DOCK10: variants seen among roughly 807,000 people sequenced by gnomAD.
DOCK10 encodes the protein dedicator of cytokinesis 10.
In DOCK10, 145 loss-of-function variants were observed where a neutral mutation model predicts 280.1. The ratio of observed to expected loss-of-function variants is 0.52; its 90% confidence interval spans 0.45 to 0.59. The LOEUF (loss-of-function observed/expected upper bound fraction) is 0.59, where lower values mean the gene tolerates loss of function less well. Ranked by LOEUF, DOCK10 falls within the 20% of genes least tolerant of loss-of-function variation. The pLI, the probability that DOCK10 is intolerant of heterozygous loss-of-function variation, is 0.00. For synonymous variants in DOCK10, 915 were observed against 942.2 expected, an observed-to-expected ratio of 0.97 and a Z score of 0.53; for missense variants, 2,368 against 2,651.7, an observed-to-expected ratio of 0.89 and a Z score of 2.35.
intron 1 of DOCK10, among the ~76,000 whole-genome samples, chr2:225,004,250 T>C (rs1285993716): frequency 6.6e-6 from 1 of 152,208 alleles, no homozygotes; most frequent in Non-Finnish European, 1.5e-5. Flanking sequence ...AGTGTTCTTA[T>C]GAGATAGCAG....
intron 45 of DOCK10, among the ~76,000 whole-genome samples, chr2:224,794,663 C>T (rs933505464): frequency 2.6e-4 from 39 of 152,166 alleles, no homozygotes; most frequent in African/African-American, 8.4e-4. Context: ...TGCAGTTGCC[C>T]CCACTGACTC....
intron 1 of DOCK10, among the ~76,000 whole-genome samples, chr2:224,936,337 C>T (rs1702692441): frequency 6.6e-6 from 1 of 151,898 alleles, no homozygotes; most frequent in South Asian, 2.1e-4. Flanking sequence ...AGCACTGGTA[C>T]AAAAGGAAAG....
intron 1 of DOCK10, among the ~76,000 whole-genome samples, chr2:224,934,645 G>C (rs1702584746): frequency 6.6e-6 from 1 of 152,196 alleles, no homozygotes; most frequent in South Asian, 2.1e-4. Flanking sequence ...AGGATGGTGG[G>C]ATCAGTTAAT....
At chr2:225,004,515 G>A (rs973321010) in intron 1 of DOCK10, among the ~76,000 whole-genome samples, 2 of 152,166 alleles carry the variant, frequency 1.3e-5, no homozygotes, top group African/African-American at 4.8e-5. Flanking sequence ...TGTTATGGTG[G>A]CCCTAGGAAA....
intron 1 of DOCK10, among the ~76,000 whole-genome samples, chr2:224,941,412 G>A (rs561196080): frequency 6.6e-6 from 1 of 152,298 alleles, no homozygotes; most frequent in African/African-American, 2.4e-5. Context: ...TTCTGGAATA[G>A]AGCTGTGATT....
At chr2:224,998,908 C>T (rs887114573) in intron 1 of DOCK10, among the ~76,000 whole-genome samples, 8 of 152,028 alleles carry the variant, frequency 5.3e-5, no homozygotes, top group African/African-American at 1.9e-4. Context: ...CATTTATAGC[C>T]GGGTGTGGTG....
intron 1 of DOCK10, among the ~76,000 whole-genome samples, chr2:225,039,647 T>G (rs1690361939): frequency 2.6e-5 from 4 of 152,028 alleles, no homozygotes; most frequent in African/African-American, 9.7e-5. Flanking sequence ...CCTTGATCTC[T>G]CCTCTCCATA....
chr2:224,868,511 C>T (rs976014069), intron 11 of DOCK10, among the ~76,000 whole-genome samples: 13 of 152,238 alleles, frequency 8.5e-5, no homozygotes, highest in African/African-American at 3.1e-4. Flanking sequence ...TATAGTGAAA[C>T]ACCCTATTGT....
chr2:224,836,727 G>C (rs370355469), intron 25 of DOCK10, among the ~76,000 whole-genome samples: 3 of 151,930 alleles, frequency 2.0e-5, no homozygotes, highest in East Asian at 3.9e-4. Flanking sequence ...AGCCTCCCAA[G>C]TAGCTGGGAC....
chr2:224,827,351 G>A lies in DOCK10; in HGVS notation c.3036+3190C>T, dbSNP rs145922210. Among the ~76,000 whole-genome samples the A allele has an allele frequency of 4.5e-3, 682 of 152,186 alleles. 3 individuals are homozygous for A. Among genetic ancestry groups the A allele is most frequent in the African/African-American group, 0.015 (633 of 41,526 alleles). On this transcript the variant is annotated intron_variant, in intron 27 of 55. Transcript: ENST00000258390. ...GAGATGGTTAGAGTGGAAGGTGCAGGGCTCCTGAAAGAAAACTAGGGTGTG... is the reference window on the plus strand; with the variant it reads ...GAGATGGTTAGAGTGGAAGGTGCAGAGCTCCTGAAAGAAAACTAGGGTGTG...
In DOCK10 at chr2:225,042,366, A is replaced by G; in HGVS notation, c.9T>C (p.Gly3=). ...TCCGGGTGAACCTGCGGGTCCGCTC[A>G]CCGGCCATCGCCGGTCACGCCAATC... is the stretch of plus-strand genomic sequence containing the variant. MA[G]ERTRRFTRSL... The change falls in exon 1 of 56, where the codon GGT becomes GGC. Residue 3 remains glycine, a synonymous_variant. Transcript: ENST00000258390. This position sits in a 1 kb window ranked among gnomAD's most constrained non-coding sequence, Gnocchi z 5.1. 2 of 1,234,834 alleles carry G rather than the reference A, an allele frequency of 1.6e-6. No individual in the cohort carries two copies. Among genetic ancestry groups the G allele is most frequent in the South Asian group, 2.8e-5 (1 of 36,320 alleles). 76.5% of individuals were successfully genotyped at this position (1,234,834 alleles called of 1,614,324 possible).
intron 1 of DOCK10, among the ~76,000 whole-genome samples, chr2:225,029,018 T>C (rs1016019522): frequency 1.6e-4 from 24 of 152,180 alleles, no homozygotes; most frequent in African/African-American, 5.8e-4. Context: ...TAGATTTCCA[T>C]CTTATGATAT....
chr2:224,796,335 T>A lies in DOCK10; in HGVS notation c.4919A>T (p.Asn1640Ile). 1 of 1,563,880 alleles carries A rather than the reference T, an allele frequency of 6.4e-7. No homozygotes were observed. The highest frequency in any genetic ancestry group is 8.7e-7 in the Non-Finnish European group (1 of 1,152,616). ...TCTTACTTTCATTTGCTTATCTCCA[T>A]TGGCGAAATTATTGGTAATTGCAAG... ...HSLAITNNFA[N>I]GDKQMKNSNF... is the part of the protein sequence containing the mutation. Residue 1640 changes from asparagine to isoleucine, a missense_variant, in exon 44 of 56, where the codon AAT (asparagine) becomes ATT (isoleucine). Asn to Ile is a moderately radical substitution (Grantham distance 149). Transcript: ENST00000258390.
At chr2:224,916,496 G>A (rs1016961516) in intron 3 of DOCK10, among the ~76,000 whole-genome samples, 199 bp downstream of exon 3, 1 of 148,000 alleles carries the variant, frequency 6.8e-6, no homozygotes, top group Non-Finnish European at 1.5e-5. Flanking sequence ...AGCAGAGGTG[G>A]TGCCACCACA....
At chr2:224,999,037 G>A (rs1286275364) in intron 1 of DOCK10, among the ~76,000 whole-genome samples, 1 of 151,970 alleles carries the variant, frequency 6.6e-6, no homozygotes, top group Non-Finnish European at 1.5e-5. Flanking sequence ...AAATACAAAA[G>A]TTAGCTGGGT....
intron 1 of DOCK10, among the ~76,000 whole-genome samples, chr2:225,026,252 T>C (rs904527474): frequency 3.3e-5 from 5 of 152,174 alleles, no homozygotes; most frequent in Non-Finnish European, 2.9e-5. Flanking sequence ...AAGTGAGATG[T>C]AATCCTCTGA....
intron 1 of DOCK10, among the ~76,000 whole-genome samples, 157 bp from the exon 2 acceptor site, chr2:224,931,825 C>CA (rs1456402949): frequency 1.3e-5 from 2 of 152,172 alleles, no homozygotes; most frequent in African/African-American, 2.4e-5. Context: ...GGCAAAGCCA[C>CA]ACACCTATTA....
chr2:224,823,677 A>C (rs763843256), intron 27 of DOCK10, 30 bp from the exon 28 acceptor site: 5 of 1,541,808 alleles, frequency 3.2e-6, no homozygotes, highest in Non-Finnish European at 3.5e-6. Flanking sequence ...TATCTTTCTA[A>C]TGTGGCATGT....
rs928878330 is a variant in DOCK10, at chr2:224,804,841, G to A, written c.4119C>T (p.Asp1373=). 2.2e-5 allele frequency: 33 copies of A among 1,505,526 alleles called. No homozygotes were observed. The highest frequency in any genetic ancestry group is 2.8e-5 in the Non-Finnish European group (32 of 1,127,468). The allele number at this position is 1,505,526 out of a possible 1,614,324, so 93.3% of individuals were successfully genotyped here. The part of the protein sequence containing the change: ...PEVSDFFSIL[D]VCLQNFRYLG... ...GGTATCTGAAATTTTGAAGACAAAC[G>A]CTAGAAAGGAGAAAAAAACCACATT... The change falls in exon 38 of 56, where the codon GAC becomes GAT. Residue 1373 remains aspartate (D), a splice_region_variant and synonymous_variant. Coordinates refer to ENST00000258390, the MANE Select transcript of DOCK10 (RefSeq NM_014689.3).
Sources: allele counts gnomAD v4.1 joint callset (sites outside exome capture counted in the v4.1 genomes callset), GRCh38; gene constraint gnomAD v4.1.1; non-coding constraint Gnocchi (gnomAD v3.1); transcripts MANE v1.5; gene names NCBI Gene and HGNC (gene_info 2026-07-23, HGNC 2026-07-21).